The following MCOLN3 variants were observed in gnomAD, a reference collection of about 807,000 sequenced individuals.
MCOLN3 encodes the protein mucolipin TRP cation channel 3, also known as mucolipin-3.
A neutral mutation model predicts 69.4 loss-of-function variants in MCOLN3; 62 were observed. That is an observed-to-expected ratio of 0.89 (90% CI 0.73 to 1.10). MCOLN3 has a LOEUF of 1.10. MCOLN3 is among the 50% of genes least tolerant of loss of function. The probability of loss-of-function intolerance (pLI) is 0.00; values close to 1 mark genes in which losing one functional copy is unlikely to be tolerated. For missense variants in MCOLN3, 564 were observed against 656.4 expected (o/e 0.86, Z 1.54); for synonymous variants, 183 against 217.0 (o/e 0.84, Z 1.38).
chr1:85,031,950 C>A (rs551378583), intron 6 of MCOLN3, among the ~76,000 whole-genome samples: 1 of 152,128 alleles, frequency 6.6e-6, no homozygotes, highest in East Asian at 1.9e-4. Context: ...GTGGCGGACG[C>A]CTGTGGTCCC....
At chr1:85,041,888 A>C (rs1653085517) in intron 2 of MCOLN3, among the ~76,000 whole-genome samples, 2 of 151,016 alleles carry the variant, frequency 1.3e-5, no homozygotes, top group Admixed American at 1.3e-4. Context: ...AAAAAAAAAA[A>C]AAAGCTTACC....
At chr1:85,045,069 C>A in intron 2 of MCOLN3, 64 bp downstream of exon 2, 1 of 1,282,500 alleles carries the variant, frequency 7.8e-7, no homozygotes, top group Non-Finnish European at 1.1e-6. Context: ...AAAAAAACCA[C>A]TGTCCATAGT....
chr1:85,042,478 A>G (rs1195823914), intron 2 of MCOLN3, among the ~76,000 whole-genome samples: 3 of 152,242 alleles, frequency 2.0e-5, no homozygotes, highest in Non-Finnish European at 2.9e-5. Flanking sequence ...ACATCTTGAT[A>G]TTCTAGGGAT....
intron 3 of MCOLN3, among the ~76,000 whole-genome samples, chr1:85,035,556 C>T (rs1223868261): frequency 1.3e-5 from 2 of 152,118 alleles, no homozygotes; most frequent in Non-Finnish European, 2.9e-5. Context: ...AGGAAAGATC[C>T]TTTTGTCAAT....
rs1043267802 is a variant in MCOLN3, at chr1:85,034,301, G to A, written c.397-50C>T. On this transcript the variant is annotated intron_variant, in intron 3 of 12. Coordinates refer to ENST00000370589, the MANE Select transcript of MCOLN3 (RefSeq NM_018298.11). ...AATGGGAATGCCAGCCAGGGCAGGA[G>A]TGAAGCCATAACTCCCCTCCCTCCC... The A allele has an allele frequency of 3.7e-6, 6 of 1,603,416 alleles. No individual in the cohort carries two copies. In the African/African-American group the frequency reaches 5.4e-5, roughly 14 times the overall value.
At chr1:85,027,605 C>T (rs1177864126) in intron 7 of MCOLN3, among the ~76,000 whole-genome samples, 1 of 152,192 alleles carries the variant, frequency 6.6e-6, no homozygotes, top group Non-Finnish European at 1.5e-5. Flanking sequence ...TGGGTTTCTG[C>T]AAGCCCTCCA....
chr1:85,028,239 C>T (rs1652318587), intron 7 of MCOLN3, among the ~76,000 whole-genome samples: 2 of 152,264 alleles, frequency 1.3e-5, no homozygotes, highest in East Asian at 3.9e-4. Context: ...ATTTTATTTA[C>T]TCTATCTCAT....
chr1:85,024,781 T>C (rs1175607281), intron 9 of MCOLN3: 1 of 152,168 alleles, frequency 6.6e-6, no homozygotes, highest in East Asian at 1.9e-4. Flanking sequence ...CTTACTCCTT[T>C]TTTTGTTTTG....
At chr1:85,035,065 A>G (rs1652739787) in intron 3 of MCOLN3, among the ~76,000 whole-genome samples, 1 of 152,216 alleles carries the variant, frequency 6.6e-6, no homozygotes, top group Non-Finnish European at 1.5e-5. Flanking sequence ...CAAGGTCACT[A>G]ATGAGCAGTG....
At chr1:85,023,723 T>G (rs938587998) in intron 9 of MCOLN3, among the ~76,000 whole-genome samples, 2 of 152,058 alleles carry the variant, frequency 1.3e-5, no homozygotes, top group Admixed American at 6.6e-5. Context: ...TGGGACAGGA[T>G]GAGATTACCA....
chr1:85,036,340 T>A (rs1652802162), intron 3 of MCOLN3, among the ~76,000 whole-genome samples: 1 of 152,090 alleles, frequency 6.6e-6, no homozygotes, highest in Non-Finnish European at 1.5e-5. Flanking sequence ...TACAGGCTCA[T>A]GCTACCACAC....
intron 12 of MCOLN3, among the ~76,000 whole-genome samples, 181 bp from the exon 13 acceptor site, chr1:85,019,438 T>A (rs1296715175): frequency 6.6e-6 from 1 of 152,092 alleles, no homozygotes. Flanking sequence ...GGAGGTAAAG[T>A]GGGCCTGGGA....
chr1:85,048,208 G>A (rs1160976906), intron 1 of MCOLN3, among the ~76,000 whole-genome samples, 188 bp downstream of exon 1: 1 of 152,050 alleles, frequency 6.6e-6, no homozygotes, highest in African/African-American at 2.4e-5. Context: ...CTTGGGGGCG[G>A]CGCGGAACAG....
intron 2 of MCOLN3, among the ~76,000 whole-genome samples, chr1:85,041,945 C>T (rs112395319): frequency 1.2e-3 from 175 of 148,778 alleles, no homozygotes; most frequent in African/African-American, 4.1e-3. Flanking sequence ...TCATCCAAAC[C>T]TCTCTCTCTC....
intron 3 of MCOLN3, among the ~76,000 whole-genome samples, chr1:85,035,316 A>G (rs1022449085): frequency 6.6e-6 from 1 of 152,162 alleles, no homozygotes; most frequent in African/African-American, 2.4e-5. Context: ...GACTTCAACC[A>G]GTCCCATATT....
At chr1:85,022,502 G>C in intron 9 of MCOLN3, 102 bp from the exon 10 acceptor site, 2 of 732,486 alleles carry the variant, frequency 2.7e-6, no homozygotes, top group East Asian at 2.7e-5. Context: ...AGGTGCTAAG[G>C]ATAAAGCAGT....
chr1:85,039,771 C>A (rs971435161), intron 3 of MCOLN3, among the ~76,000 whole-genome samples: 1 of 151,958 alleles, frequency 6.6e-6, no homozygotes, highest in African/African-American at 2.4e-5. Context: ...CATAGGGAGA[C>A]CCTGTCTCTA....
At chr1:85,031,685 C>T (rs1015948351) in intron 6 of MCOLN3, among the ~76,000 whole-genome samples, 7 of 152,222 alleles carry the variant, frequency 4.6e-5, no homozygotes, top group Admixed American at 1.3e-4. Context: ...GAGCTACACA[C>T]AGAATGAAGC....
Position 85,048,383 on chromosome 1 carries a change from C to A in MCOLN3, c.-3+13G>T, listed in dbSNP as rs1653498743. ...GACACCCGACGCCCCGGGGCAGCGCCCCGCGGGCTCACCTGGGGGACAGCG... is the reference window on the plus strand; with the variant it reads ...GACACCCGACGCCCCGGGGCAGCGCACCGCGGGCTCACCTGGGGGACAGCG... On this transcript the variant is annotated intron_variant, in intron 1 of 12. Coordinates refer to ENST00000370589, the MANE Select transcript of MCOLN3 (RefSeq NM_018298.11). 1 of 151,890 alleles carries A rather than the reference C, an allele frequency of 6.6e-6. No individual in the cohort carries two copies. The highest frequency in any genetic ancestry group is 1.5e-5 in the Non-Finnish European group (1 of 67,962). The allele number at this position is 151,890 out of a possible 1,614,324, so 9.4% of individuals were successfully genotyped here. A position where few individuals can be genotyped will look rare whatever the true frequency, so the allele number is the denominator to read the frequency against.
Sources: allele counts gnomAD v4.1 joint callset (sites outside exome capture counted in the v4.1 genomes callset), GRCh38; gene constraint gnomAD v4.1.1; transcripts MANE v1.5; gene names NCBI Gene and HGNC (gene_info 2026-07-23, HGNC 2026-07-21).